PRL: variants seen among roughly 807,000 people sequenced by gnomAD.
PRL encodes the protein decidual prolactin.
In PRL, 24 loss-of-function variants were observed where a neutral mutation model predicts 21.3. The observed-to-expected ratio is 1.13, with a 90% confidence interval of 0.82 to 1.59. The LOEUF (loss-of-function observed/expected upper bound fraction) is 1.59. PRL is among the 40% of genes most tolerant of loss of function. The pLI, the probability that PRL is intolerant of heterozygous loss-of-function variation, is 0.00. For synonymous variants in PRL, 118 were observed against 115.7 expected, an observed-to-expected ratio of 1.02 and a Z score of -0.13; for missense variants, 243 against 286.9, an observed-to-expected ratio of 0.85 and a Z score of 1.10.
chr6:22,295,239 A>G (rs1056119153), intron 1 of PRL, among the ~76,000 whole-genome samples: 2 of 152,220 alleles, frequency 1.3e-5, no homozygotes, highest in African/African-American at 4.8e-5. Context: ...ACCTTGTGAG[A>G]TACACTGGGC....
upstream of PRL, chr6:22,297,062 T>C: frequency 7.0e-7 from 1 of 1,433,138 alleles, no homozygotes; most frequent in Non-Finnish European, 9.8e-7. Flanking sequence ...AGATATTGGC[T>C]TTATAAACCT....
At chr6:22,302,148 T>C (rs555390060), upstream of PRL, among the ~76,000 whole-genome samples, 2 of 152,182 alleles carry the variant, frequency 1.3e-5, no homozygotes, top group Non-Finnish European at 2.9e-5. Context: ...TCAATAGATA[T>C]AGTCAAGCTG....
chr6:22,295,664 T>C (rs1215631584), intron 1 of PRL, among the ~76,000 whole-genome samples: 3 of 152,150 alleles, frequency 2.0e-5, no homozygotes, highest in Non-Finnish European at 4.4e-5. Flanking sequence ...CCTATATATA[T>C]CAATAATTTA....
upstream of PRL, among the ~76,000 whole-genome samples, chr6:22,298,555 C>T (rs568671162): frequency 7.9e-5 from 12 of 152,178 alleles, no homozygotes; most frequent in Non-Finnish European, 1.8e-4. Flanking sequence ...CAAAGACTAA[C>T]GTCTCTGAAA....
intron 3 of PRL, among the ~76,000 whole-genome samples, chr6:22,292,151 G>A (rs1227366492): frequency 6.6e-6 from 1 of 152,146 alleles, no homozygotes; most frequent in Admixed American, 6.5e-5. Context: ...TGCTGTTGAT[G>A]TAGGAGTCAC....
intron 4 of PRL, among the ~76,000 whole-genome samples, chr6:22,289,007 T>A (rs1284207505): frequency 6.6e-6 from 1 of 152,144 alleles, no homozygotes; most frequent in Non-Finnish European, 1.5e-5. Flanking sequence ...ATTTTTAATT[T>A]TTGGTACTTG....
At chr6:22,292,438 G>T in intron 3 of PRL, 100 bp downstream of exon 3, 1 of 1,084,888 alleles carries the variant, frequency 9.2e-7, no homozygotes, top group Non-Finnish European at 1.4e-6. Flanking sequence ...ATTTTTCTCT[G>T]CATGTACAAT....
chr6:22,293,729 GGGAGGGAGGGAGGGGAAGC>G (rs1413484998), intron 2 of PRL, among the ~76,000 whole-genome samples: 44 of 58,348 alleles, frequency 7.5e-4, no homozygotes, highest in East Asian at 1.3e-3. Context: ...GAGGGAACAA[GGGAGGGAGGGAGGGGAAGC>G]AAGGAAGGAA....
intron 3 of PRL, among the ~76,000 whole-genome samples, chr6:22,292,162 G>A (rs1376483570): frequency 2.0e-5 from 3 of 152,156 alleles, no homozygotes; most frequent in African/African-American, 4.8e-5. Context: ...TAGGAGTCAC[G>A]AGTAATATGT....
At chr6:22,291,423 C>T (rs1055998020) in intron 3 of PRL, among the ~76,000 whole-genome samples, 12 of 152,066 alleles carry the variant, frequency 7.9e-5, no homozygotes, top group Non-Finnish European at 1.6e-4. Context: ...AATGACAGTA[C>T]CTTGTGTTAT....
intron 1 of PRL, among the ~76,000 whole-genome samples, chr6:22,295,351 C>G (rs994979440): frequency 6.6e-6 from 1 of 152,126 alleles, no homozygotes; most frequent in Non-Finnish European, 1.5e-5. Context: ...AGGCATGATG[C>G]CAATACTGTG....
In PRL at chr6:22,294,468, G is replaced by A. The variant is rs1413761259; in HGVS notation, c.145C>T (p.Arg49Cys). 5 of 1,614,148 alleles carry A rather than the reference G, an allele frequency of 3.1e-6. No homozygotes were observed. Among genetic ancestry groups the A allele is most frequent in the Non-Finnish European group, 3.4e-6 (4 of 1,180,028 alleles). ...ATGTAGTGGGACAGGACGACGGCGCGGTCAAACAGGTCTCGAAGGGTCACC... is the reference window on the plus strand; with the variant it reads ...ATGTAGTGGGACAGGACGACGGCGCAGTCAAACAGGTCTCGAAGGGTCACC... ...CQVTLRDLFD[R>C]AVVLSHYIHN... The change falls in exon 2 of 5, where the codon CGC becomes TGC. Residue 49 changes from arginine (R) to cysteine (C), a missense_variant. By Grantham distance (180) the Arg-to-Cys change is radical (BLOSUM62 -3). Coordinates refer to ENST00000306482, the MANE Select transcript of PRL (RefSeq NM_000948.6).
chr6:22,293,244 GA>G (rs1159308272), intron 2 of PRL, among the ~76,000 whole-genome samples: 16 of 151,960 alleles, frequency 1.1e-4, no homozygotes, highest in Admixed American at 8.5e-4. Flanking sequence ...ACAATTTTAG[GA>G]AATATAAACA....
intron 4 of PRL, among the ~76,000 whole-genome samples, chr6:22,289,184 A>G (rs1252433146): frequency 6.6e-6 from 1 of 152,192 alleles, no homozygotes. Context: ...CAAGGTATTT[A>G]TTTCACACAT....
rs1761019674 is a variant in PRL, at chr6:22,290,238, T to G, written c.428A>C (p.Lys143Thr). ...GGTTTGCTCCTCAATCTCTACAGCT[T>G]TGGATAGGATAGCCTCCGGGGCTTC... is the stretch of plus-strand genomic sequence containing the variant. ...MQEAPEAILS[K>T]AVEIEEQTKR... Residue 143 changes from lysine (K) to threonine (T), a missense_variant, in exon 4 of 5, where the codon AAA (lysine) becomes ACA (threonine). Coordinates refer to ENST00000306482, the MANE Select transcript of PRL (RefSeq NM_000948.6). The G allele has an allele frequency of 6.2e-7, 1 of 1,612,698 alleles. No homozygotes were observed. The highest frequency in any genetic ancestry group is 8.5e-7 in the Non-Finnish European group (1 of 1,178,966).
chr6:22,293,637 A>G lies in PRL; in HGVS notation c.204+772T>C, dbSNP rs57002832. 3.6e-3 allele frequency among the ~76,000 whole-genome samples: 98 copies of G among 27,026 alleles called. 2 individuals are homozygous for G. The highest frequency in any genetic ancestry group is 0.033 in the Middle Eastern group (1 of 30). The allele number at this position is 27,026 out of a possible 152,430, so 17.7% of individuals were successfully genotyped here. On this transcript the variant is annotated intron_variant, in intron 2 of 4. Coordinates refer to ENST00000306482, the MANE Select transcript of PRL (RefSeq NM_000948.6). ...GAGGAGGGAAGGAGGGAAGGAAGGAAGGAAGGAAGGAAGGAAGGAAGGAAG... is the reference window on the plus strand; with the variant it reads ...GAGGAGGGAAGGAGGGAAGGAAGGAGGGAAGGAAGGAAGGAAGGAAGGAAG...
chr6:22,288,901 TGCGCGCGC>T lies in PRL; in HGVS notation c.492+1265_492+1272del, dbSNP rs112442044. 6.7e-6 allele frequency among the ~76,000 whole-genome samples: 1 copy of T among 149,662 alleles called. No homozygotes were observed. Among genetic ancestry groups the T allele is most frequent in the Non-Finnish European group, 1.5e-5 (1 of 67,910 alleles). ...GCGCGTGCGCGTGTGTGTGCGTGTG[TGCGCGCGC>T]GTGTGTGTGCGTGCGCGTGTGTGTG... On this transcript the variant is annotated intron_variant, in intron 4 of 4. Coordinates refer to ENST00000306482, the MANE Select transcript of PRL (RefSeq NM_000948.6). This position sits in a 1 kb window ranked among gnomAD's most constrained non-coding sequence, Gnocchi z 4.5.
At position 22,288,632 on chromosome 6, in the gene PRL, A is replaced by G. The variant is rs1760975876; in HGVS notation, c.493-1039T>C. ...TGGCTGTGATAACAAAAGGAGGCTG[A>G]ACAGCACAACAGAGGGCATGCTATG... On this transcript the variant is annotated intron_variant, in intron 4 of 4. Transcript: ENST00000306482. This position sits in a 1 kb window ranked among gnomAD's most constrained non-coding sequence, Gnocchi z 4.5. Among the ~76,000 whole-genome samples, 1 of 152,084 alleles carries G rather than the reference A, an allele frequency of 6.6e-6. No individual in the cohort carries two copies. The highest frequency in any genetic ancestry group is 2.4e-5 in the African/African-American group (1 of 41,430).
At chr6:22,292,788 G>C in intron 2 of PRL, 143 bp from the exon 3 acceptor site, 1 of 654,400 alleles carries the variant, frequency 1.5e-6, no homozygotes, top group Non-Finnish European at 2.6e-6. Context: ...AAAGAATTAA[G>C]AAAGTAACCC....
Sources: gnomAD v4.1 joint callset for allele counts (sites outside exome capture counted in the v4.1 genomes callset) on GRCh38, gnomAD v4.1.1 for gene constraint, Gnocchi (gnomAD v3.1) non-coding constraint, MANE v1.5 for transcripts, NCBI Gene and HGNC (gene_info 2026-07-23, HGNC 2026-07-21) for gene names.